ROBO2: variants seen among roughly 807,000 people sequenced by gnomAD.
ROBO2 encodes the protein roundabout homolog 2.
A neutral mutation model predicts 160.8 loss-of-function variants in ROBO2; 53 were observed. The ratio of observed to expected loss-of-function variants is 0.33; its 90% CI spans 0.26 to 0.41. ROBO2 has a LOEUF of 0.41. Among genes scored for constraint, ROBO2 ranks in the 10% least tolerant of loss-of-function variants. The pLI is 1.00. For missense variants in ROBO2, 1,577 were observed against 1,722.4 expected (o/e 0.92, Z 1.49); for synonymous variants, 664 against 611.7 (o/e 1.09, Z -1.26).
chr3:77,137,329 G>A (rs1039953246), intron 2 of ROBO2, among the ~76,000 whole-genome samples: 7 of 151,788 alleles, frequency 4.6e-5, no homozygotes, highest in Non-Finnish European at 8.8e-5. Flanking sequence ...CAGGTTCAAG[G>A]GATTCCCCTG....
rs918872083 is a variant in ROBO2 at position 76,176,659 on chromosome 3, C to A, written c.109+239057C>A. Among the ~76,000 whole-genome samples the A allele has an allele frequency of 2.6e-5, 4 of 152,162 alleles. No individual in the cohort carries two copies. The East Asian group carries it at 7.7e-4, about 29-fold the overall frequency. On this transcript the variant is annotated intron_variant, in intron 2 of 26. Coordinates refer to the ROBO2 transcript ENST00000487694. ...CAAAACTCTGTTATCATCTGGGAGA[C>A]AACTAAAAATACTCCTTTTAATTAT...
rs187712493 is a variant in ROBO2 at position 76,384,650 on chromosome 3, C to A, written c.109+447048C>A. On this transcript the variant is annotated intron_variant, in intron 2 of 26. Transcript: ENST00000487694. ...GACTGGGGAGGCCTCAAGAAACTTA[C>A]AACCATGGCAGAAGGGAGAGCAAAC... Among the ~76,000 whole-genome samples, 94 of 152,250 alleles carry A rather than the reference C, an allele frequency of 6.2e-4. 1 individual carries two copies. Among genetic ancestry groups the A allele is most frequent in the Non-Finnish European group, 7.4e-5 (5 of 68,010 alleles).
chr3:77,088,016 C>T (rs1056301550), intron 1 of ROBO2, among the ~76,000 whole-genome samples: 1 of 152,118 alleles, frequency 6.6e-6, no homozygotes, highest in Non-Finnish European at 1.5e-5. Context: ...TGAGGCTCTA[C>T]CTGTCACTGG....
At chr3:76,806,034 A>T (rs1435336253) in intron 2 of ROBO2, among the ~76,000 whole-genome samples, 3 of 151,642 alleles carry the variant, frequency 2.0e-5, no homozygotes, top group Non-Finnish European at 4.4e-5. Context: ...TGCTTTCCCT[A>T]TATCTGGGTG....
At chr3:77,192,663 T>TTTTG in intron 2 of ROBO2, among the ~76,000 whole-genome samples, 1 of 130,064 alleles carries the variant, frequency 7.7e-6, no homozygotes, top group Non-Finnish European at 1.7e-5. Flanking sequence ...TTTTTTTTTT[T>TTTTG]TTTTTTTTGA....
intron 2 of ROBO2, among the ~76,000 whole-genome samples, chr3:77,470,394 G>A (rs1180269914): frequency 5.9e-5 from 9 of 152,184 alleles, no homozygotes; most frequent in Non-Finnish European, 1.3e-4. Flanking sequence ...GGGCAGTGGA[G>A]AGAGGATGAA....
chr3:76,098,366 GT>G (rs2069539553), intron 2 of ROBO2, among the ~76,000 whole-genome samples: 1 of 152,006 alleles, frequency 6.6e-6, no homozygotes. Context: ...CTGTAACTAT[GT>G]TTTTAGATTT....
At chr3:76,841,010 GC>G (rs1320371430) in intron 2 of ROBO2, among the ~76,000 whole-genome samples, 1 of 152,062 alleles carries the variant, frequency 6.6e-6, no homozygotes, top group Non-Finnish European at 1.5e-5. Flanking sequence ...GACCTCTCCT[GC>G]TATTGTACTA....
intron 2 of ROBO2, among the ~76,000 whole-genome samples, chr3:76,073,674 T>G (rs1413132545): frequency 6.6e-6 from 1 of 152,126 alleles, no homozygotes; most frequent in Non-Finnish European, 1.5e-5. Context: ...GAACAATACG[T>G]TAAATTGGAG....
chr3:76,287,747 C>T lies in ROBO2; in HGVS notation c.109+350145C>T, dbSNP rs181939993. Among the ~76,000 whole-genome samples, 464 of 152,328 alleles carry T rather than the reference C, an allele frequency of 3.0e-3. 2 individuals are homozygous for T. Among genetic ancestry groups the T allele is most frequent in the Middle Eastern group, 0.01 (3 of 294 alleles). On this transcript the variant is annotated intron_variant, in intron 2 of 26. Transcript: ENST00000487694. ...CAAAGTTTTGATGCTTTGGTTTCCTCATCTGTAAAATAAAGATGATCAATC... is the reference window on the plus strand; with the variant it reads ...CAAAGTTTTGATGCTTTGGTTTCCTTATCTGTAAAATAAAGATGATCAATC...
chr3:76,552,858 T>G (rs2083496494), intron 2 of ROBO2, among the ~76,000 whole-genome samples: 1 of 152,198 alleles, frequency 6.6e-6, no homozygotes, highest in Admixed American at 6.5e-5. Flanking sequence ...TGTGAGGGAT[T>G]AGTTTGGAAA....
At chr3:77,280,840 A>G (rs2060194653) in intron 2 of ROBO2, among the ~76,000 whole-genome samples, 1 of 152,116 alleles carries the variant, frequency 6.6e-6, no homozygotes, top group Non-Finnish European at 1.5e-5. Context: ...TGCCCTAGAC[A>G]CTCATGTGGA....
chr3:76,447,908 G>C (rs1209669059), intron 2 of ROBO2, among the ~76,000 whole-genome samples: 1 of 113,372 alleles, frequency 8.8e-6, no homozygotes, highest in South Asian at 3.7e-4. Context: ...GGGGGGAGGG[G>C]GGAGGGATAG....
chr3:76,778,142 C>T (rs898807545), intron 2 of ROBO2, among the ~76,000 whole-genome samples: 1 of 151,068 alleles, frequency 6.6e-6, no homozygotes, highest in Non-Finnish European at 1.5e-5. Flanking sequence ...GCCTCCCCTG[C>T]TTCATTCTTC....
At chr3:76,780,989 A>G (rs181702572) in intron 2 of ROBO2, among the ~76,000 whole-genome samples, 30 of 150,882 alleles carry the variant, frequency 2.0e-4, no homozygotes, top group Non-Finnish European at 4.0e-4. Flanking sequence ...CTTTGAATCT[A>G]TAAATCACTT....
intron 2 of ROBO2, among the ~76,000 whole-genome samples, chr3:76,220,748 AACAC>A (rs370105134): frequency 5.3e-5 from 8 of 151,090 alleles, no homozygotes; most frequent in Admixed American, 1.3e-4. Context: ...ATTTGATGAA[AACAC>A]ACACACACAC....
intron 2 of ROBO2, among the ~76,000 whole-genome samples, chr3:77,165,041 A>AG (rs1390557197): frequency 1.3e-5 from 2 of 151,080 alleles, no homozygotes; most frequent in Non-Finnish European, 3.0e-5. Flanking sequence ...CTGCCCGGCC[A>AG]CCACCCCGTC....
chr3:77,339,558 T>C (rs1297099693), intron 2 of ROBO2, among the ~76,000 whole-genome samples: 1 of 152,094 alleles, frequency 6.6e-6, no homozygotes, highest in African/African-American at 2.4e-5. Context: ...TCTTGGTCAG[T>C]ATAGCCTTAA....
At chr3:76,255,128 G>A (rs973269595) in intron 2 of ROBO2, among the ~76,000 whole-genome samples, 14 of 152,058 alleles carry the variant, frequency 9.2e-5, no homozygotes, top group African/African-American at 2.9e-4. Flanking sequence ...TTGTGCCTGT[G>A]GAGGCTGTCC....
Sources: allele counts gnomAD v4.1 joint callset (sites outside exome capture counted in the v4.1 genomes callset), GRCh38; gene constraint gnomAD v4.1.1; transcripts MANE v1.5; gene names NCBI Gene and HGNC (gene_info 2026-07-23, HGNC 2026-07-21).